Variants in CTNNA2 observed in about 807,000 individuals in gnomAD.
CTNNA2 encodes the protein catenin alpha 2.
CTNNA2 carries 42 observed loss-of-function variants against 101.0 expected under a neutral mutation model. The observed-to-expected ratio is 0.42, with a 90% CI of 0.32 to 0.54. The LOEUF is 0.54. Among genes scored for constraint, CTNNA2 ranks in the 20% least tolerant of loss-of-function variants. CTNNA2 has a pLI of 0.14. For synonymous variants in CTNNA2, 450 were observed against 456.4 expected (o/e 0.99, Z 0.18); for missense variants, 871 against 1,223.1 (o/e 0.71, Z 4.29).
chr2:80,163,164 C>T lies in CTNNA2; in HGVS notation c.1057-230047C>T, dbSNP rs1237865045. Reference sequence around the variant, plus strand: ...ACTGGCCCAGCCTGGTGGAAAACCTCGAAAAGGAGCTCCTCGGTCACTTTC... The same window carrying T: ...ACTGGCCCAGCCTGGTGGAAAACCTTGAAAAGGAGCTCCTCGGTCACTTTC... On this transcript the variant is annotated intron_variant, in intron 7 of 18. Transcript: ENST00000402739. 12 of 1,458,922 alleles carry T rather than the reference C, an allele frequency of 8.2e-6. 1 individual carries two copies. Among genetic ancestry groups the T allele is most frequent in the South Asian group, 6.9e-5 (6 of 86,478 alleles). 90.4% of individuals were successfully genotyped at this position (1,458,922 alleles called of 1,614,324 possible).
At chr2:80,595,802 C>T (rs1274882615) in intron 15 of CTNNA2, among the ~76,000 whole-genome samples, 1 of 152,090 alleles carries the variant, frequency 6.6e-6, no homozygotes, top group Admixed American at 6.5e-5. Context: ...TAGCATGATG[C>T]CTCCAGCTTT....
intron 7 of CTNNA2, among the ~76,000 whole-genome samples, chr2:80,103,801 C>A (rs2148847429): frequency 6.6e-6 from 1 of 152,326 alleles, no homozygotes; most frequent in South Asian, 2.1e-4. Flanking sequence ...GTGGCGTGAT[C>A]TTGGCTCACT....
At chr2:79,293,990 G>A (rs1163499226) in intron 2 of CTNNA2, among the ~76,000 whole-genome samples, 3 of 152,026 alleles carry the variant, frequency 2.0e-5, no homozygotes, top group African/African-American at 4.8e-5. Context: ...ATGAAATAAA[G>A]TATGGAAAGT....
In CTNNA2 at chr2:79,536,227, A is replaced by G. The variant is rs181182740; in HGVS notation, c.-6+23020A>G. 9.8e-5 allele frequency among the ~76,000 whole-genome samples: 15 copies of G among 152,310 alleles called. No individual in the cohort carries two copies. The East Asian group carries it at 2.9e-3, about 29-fold the overall frequency. On this transcript the variant is annotated intron_variant, in intron 1 of 18. Transcript: ENST00000402739. ...AGTGGCTAGGTTTTCTTAATTTGTC[A>G]AGAGCTGAGTTGTGTAATGAGGTGA...
At chr2:79,505,932 G>C (rs190532286) in intron 5 of CTNNA2, among the ~76,000 whole-genome samples, 1 of 152,140 alleles carries the variant, frequency 6.6e-6, no homozygotes, top group African/African-American at 2.4e-5. Context: ...TGTCAAAATT[G>C]TCTTGAATGG....
At chr2:79,956,530 G>A (rs1689234213) in intron 7 of CTNNA2, among the ~76,000 whole-genome samples, 1 of 152,102 alleles carries the variant, frequency 6.6e-6, no homozygotes, top group Non-Finnish European at 1.5e-5. Flanking sequence ...GGCAAAAAAG[G>A]CAGGAGAGTT....
chr2:80,457,739 A>T (rs1437408474), intron 9 of CTNNA2, among the ~76,000 whole-genome samples: 2 of 152,082 alleles, frequency 1.3e-5, no homozygotes, highest in East Asian at 3.9e-4. Flanking sequence ...ATGAACCTTC[A>T]TATACTGATG....
At chr2:79,259,013 G>T (rs1674886466) in intron 2 of CTNNA2, among the ~76,000 whole-genome samples, 1 of 152,074 alleles carries the variant, frequency 6.6e-6, no homozygotes, top group Non-Finnish European at 1.5e-5. Context: ...GACCCTAAGA[G>T]CTTATTGGCC....
intron 2 of CTNNA2, among the ~76,000 whole-genome samples, chr2:79,742,956 G>A (rs1188472503): frequency 1.3e-5 from 2 of 151,780 alleles, no homozygotes; most frequent in East Asian, 3.9e-4. Context: ...TTTTCTTTCA[G>A]TGTTATCTCT....
intron 7 of CTNNA2, among the ~76,000 whole-genome samples, chr2:80,164,944 T>TG (rs1558866837): frequency 1.1e-4 from 15 of 139,366 alleles, no homozygotes; most frequent in African/African-American, 4.1e-4. Flanking sequence ...TTTTGGTTTT[T>TG]TTTTTTTTTT....
intron 3 of CTNNA2, among the ~76,000 whole-genome samples, chr2:79,323,423 T>C (rs1270924767): frequency 6.6e-6 from 1 of 152,064 alleles, no homozygotes; most frequent in Non-Finnish European, 1.5e-5. Context: ...AAGCTGGTAA[T>C]AAGAGCTTAT....
At chr2:79,668,414 A>C (rs1262123662) in intron 2 of CTNNA2, among the ~76,000 whole-genome samples, 1 of 121,708 alleles carries the variant, frequency 8.2e-6, no homozygotes, top group Non-Finnish European at 1.7e-5. Flanking sequence ...ACATCTTTTA[A>C]AACTCTGTTA....
At chr2:80,548,320 T>A (rs1459366233) in intron 11 of CTNNA2, among the ~76,000 whole-genome samples, 1 of 152,152 alleles carries the variant, frequency 6.6e-6, no homozygotes, top group Admixed American at 6.6e-5. Flanking sequence ...ATACATTGCC[T>A]TTTTCAGAGA....
At chr2:80,084,068 G>A (rs1210884826) in intron 7 of CTNNA2, among the ~76,000 whole-genome samples, 4 of 152,034 alleles carry the variant, frequency 2.6e-5, no homozygotes, top group Admixed American at 6.6e-5. Context: ...CTGGAATCAC[G>A]TTCTCTAAGT....
chr2:80,369,271 A>G (rs1022307625), intron 7 of CTNNA2, among the ~76,000 whole-genome samples: 1 of 152,068 alleles, frequency 6.6e-6, no homozygotes, highest in Non-Finnish European at 1.5e-5. Context: ...CACCATTTTC[A>G]TATATCTAAA....
chr2:79,590,131 A>G (rs1190516167), intron 1 of CTNNA2, among the ~76,000 whole-genome samples: 4 of 152,204 alleles, frequency 2.6e-5, no homozygotes, highest in South Asian at 4.1e-4. Flanking sequence ...TTAAATCCCA[A>G]TGAAAACCGT....
chr2:79,823,259 A>G (rs774980148), intron 3 of CTNNA2, among the ~76,000 whole-genome samples: 5 of 152,216 alleles, frequency 3.3e-5, no homozygotes, highest in Non-Finnish European at 5.9e-5. Flanking sequence ...GGTATAGGTT[A>G]TAAGTGGAAA....
rs576755999 is a variant in CTNNA2, at chr2:80,289,926, C to T, written c.1057-103285C>T. Reference sequence around the variant, plus strand: ...AGTGACCAAGAGCAGGAATTTAAATCCCTGTGGAGGAGAGTTTGAAGGATA... The same window carrying T: ...AGTGACCAAGAGCAGGAATTTAAATTCCTGTGGAGGAGAGTTTGAAGGATA... On this transcript the variant is annotated intron_variant, in intron 7 of 18. Transcript: ENST00000402739. 3.9e-5 allele frequency among the ~76,000 whole-genome samples: 6 copies of T among 152,264 alleles called. No individual in the cohort carries two copies. In the South Asian group the frequency reaches 1.2e-3, roughly 32 times the overall value.
chr2:79,421,942 A>G (rs1986232), intron 4 of CTNNA2, among the ~76,000 whole-genome samples: 48,147 of 151,990 alleles, frequency 0.32, 7,761 homozygotes, highest in South Asian at 0.46. Context: ...AAGTTAAACA[A>G]TGAAGCTTGA....
Sources: gnomAD v4.1 joint callset for allele counts (sites outside exome capture counted in the v4.1 genomes callset) on GRCh38, gnomAD v4.1.1 for gene constraint, MANE v1.5 for transcripts, NCBI Gene and HGNC (gene_info 2026-07-23, HGNC 2026-07-21) for gene names.